RSPO1: variants seen among roughly 807,000 people sequenced by gnomAD.
RSPO1 encodes R-spondin 1, also known as R-spondin-1.
A neutral mutation model predicts 26.0 loss-of-function variants in RSPO1; 18 were observed. That is an observed-to-expected ratio of 0.69 (90% confidence interval 0.48 to 1.03). The LOEUF (loss-of-function observed/expected upper bound fraction) is 1.03. Ranked by LOEUF, RSPO1 falls within the 50% of genes least tolerant of loss-of-function variation. The pLI is 0.00. For synonymous variants in RSPO1, 133 were observed against 137.4 expected (o/e 0.97, Z 0.22); for missense variants, 309 against 352.3 (o/e 0.88, Z 0.98).
intron 3 of RSPO1, 114 bp from the exon 4 acceptor site, chr1:37,616,789 G>T: frequency 1.9e-6 from 2 of 1,036,792 alleles, no homozygotes; most frequent in East Asian, 2.5e-5. Context: ...GAAGGAATAT[G>T]CTTCTCAGAA....
intron 6 of RSPO1, 74 bp from the exon 7 acceptor site, chr1:37,612,995 G>A: frequency 6.5e-7 from 1 of 1,542,844 alleles, no homozygotes; most frequent in South Asian, 1.1e-5. Flanking sequence ...ACAGGCCCTA[G>A]GAGGGGAGTG....
intron 4 of RSPO1, among the ~76,000 whole-genome samples, chr1:37,615,555 A>C (rs1272459850): frequency 6.6e-6 from 1 of 152,204 alleles, no homozygotes; most frequent in Admixed American, 6.5e-5. Flanking sequence ...GTCAGCCCTG[A>C]AAAGGGCACC....
intron 3 of RSPO1, among the ~76,000 whole-genome samples, chr1:37,619,851 G>A (rs529631681): frequency 3.3e-5 from 5 of 151,566 alleles, no homozygotes; most frequent in South Asian, 4.2e-4. Flanking sequence ...ATGTACAAGC[G>A]ATTCTCCTGC....
chr1:37,626,708 G>T (rs1644282645), intron 3 of RSPO1, among the ~76,000 whole-genome samples: 1 of 152,134 alleles, frequency 6.6e-6, no homozygotes, highest in South Asian at 2.1e-4. Context: ...GAGGCACAAA[G>T]GGGGCTCCTG....
chr1:37,617,636 C>CGGATGACA (rs950907533), intron 3 of RSPO1, among the ~76,000 whole-genome samples: 7 of 116,692 alleles, frequency 6.0e-5, no homozygotes, highest in Non-Finnish European at 1.1e-4. Flanking sequence ...CACTCCAGCC[C>CGGATGACA]GGATGACAGA....
chr1:37,630,397 G>T (rs554904902), intron 2 of RSPO1, among the ~76,000 whole-genome samples: 2 of 152,324 alleles, frequency 1.3e-5, no homozygotes, highest in South Asian at 4.1e-4. Flanking sequence ...TCACCCATGT[G>T]CCTTTCACCT....
intron 3 of RSPO1, among the ~76,000 whole-genome samples, chr1:37,619,575 C>T (rs1204017778): frequency 6.6e-6 from 1 of 152,154 alleles, no homozygotes; most frequent in South Asian, 2.1e-4. Context: ...ATAACAAACA[C>T]CAAACCATCA....
At chr1:37,631,478 T>C (rs1644360942) in intron 2 of RSPO1, among the ~76,000 whole-genome samples, 1 of 152,330 alleles carries the variant, frequency 6.6e-6, no homozygotes, top group Non-Finnish European at 1.5e-5. Flanking sequence ...AGATGTCCAG[T>C]TGAGTTTATC....
rs1644051430 is a variant in RSPO1, at chr1:37,613,115, G to C, written c.626-194C>G. ...GCCACTTCAGAGGACCCCGAGGCTT[G>C]AGTACTGGGAGGCAGCCCAAGAGCC... On this transcript the variant is annotated intron_variant, in intron 6 of 6. Transcript: ENST00000356545. This position sits in a 1 kb window ranked among gnomAD's most constrained non-coding sequence, Gnocchi z 4.5. 6.6e-6 allele frequency among the ~76,000 whole-genome samples: 1 copy of C among 152,198 alleles called. No individual in the cohort carries two copies. The highest frequency in any genetic ancestry group is 1.5e-5 in the Non-Finnish European group (1 of 68,014).
At position 37,611,826 on chromosome 1, in the gene RSPO1, T is replaced by G. The variant is rs186778763; in HGVS notation, c.*929A>C. On this transcript the variant is annotated 3_prime_UTR_variant, in exon 7 of 7. Transcript: ENST00000356545. ...GGAATTACAGCAGCACTTCTCAAAT[T>G]TGGGTAACATGCCAATCATCAGGAA... 1.3e-5 allele frequency: 2 copies of G among 153,634 alleles called. No individual in the cohort carries two copies. Among genetic ancestry groups the G allele is most frequent in the African/African-American group, 2.4e-5 (1 of 41,578 alleles). 9.5% of individuals were successfully genotyped at this position (153,634 alleles called of 1,614,324 possible). A position where few individuals can be genotyped will look rare whatever the true frequency, so the allele number is the denominator to read the frequency against.
rs575465531 is a variant in RSPO1, at chr1:37,623,918, C to A, written c.94+5650G>T. On this transcript the variant is annotated intron_variant, in intron 3 of 6. Coordinates refer to ENST00000356545, the MANE Select transcript of RSPO1 (RefSeq NM_001242908.2). ...GGGATTACAGGCATGCACCACCACA[C>A]CCAGCTGATTTTTTTGTATCTTTAG... Among the ~76,000 whole-genome samples, 23 of 152,008 alleles carry A rather than the reference C, an allele frequency of 1.5e-4. 1 individual carries two copies. In the South Asian group the frequency reaches 2.3e-3, roughly 15 times the overall value.
chr1:37,626,065 C>G (rs1031888802), intron 3 of RSPO1, among the ~76,000 whole-genome samples: 15 of 152,126 alleles, frequency 9.9e-5, no homozygotes, highest in Admixed American at 9.8e-4. Flanking sequence ...CCTCAAGCCA[C>G]CTCCCCCACC....
chr1:37,622,833 A>T (rs143519294), intron 3 of RSPO1, among the ~76,000 whole-genome samples: 140 of 152,308 alleles, frequency 9.2e-4, no homozygotes, highest in African/African-American at 3.0e-3. Flanking sequence ...GATGAGAGCC[A>T]AACCACAGTG....
At chr1:37,620,659 T>TAATA (rs1304760330) in intron 3 of RSPO1, among the ~76,000 whole-genome samples, 2 of 149,106 alleles carry the variant, frequency 1.3e-5, no homozygotes, top group African/African-American at 2.5e-5. Flanking sequence ...ATAATAATAA[T>TAATA]ATATGATAAA....
intron 3 of RSPO1, among the ~76,000 whole-genome samples, chr1:37,625,968 A>G (rs556146558): frequency 1.3e-5 from 2 of 152,246 alleles, no homozygotes; most frequent in East Asian, 3.9e-4. Context: ...GTGAGCCACC[A>G]TGCCAAGCCA....
chr1:37,631,199 G>A (rs1472236811), intron 2 of RSPO1, among the ~76,000 whole-genome samples: 1 of 152,182 alleles, frequency 6.6e-6, no homozygotes, highest in Admixed American at 6.5e-5. Context: ...TCCCCTAAGG[G>A]AGTTCAGTAC....
intron 3 of RSPO1, among the ~76,000 whole-genome samples, chr1:37,627,694 C>CTA (rs371509317): frequency 6.8e-6 from 1 of 147,276 alleles, no homozygotes; most frequent in African/African-American, 2.5e-5. Context: ...CAAAACAAAA[C>CTA]TATATATATA....
intron 3 of RSPO1, among the ~76,000 whole-genome samples, chr1:37,625,692 T>G (rs1049584485): frequency 6.6e-6 from 1 of 151,794 alleles, no homozygotes; most frequent in Non-Finnish European, 1.5e-5. Context: ...TTTTTTTTTT[T>G]TTTGGAAACA....
rs139353088 is a variant in RSPO1 at position 37,612,499 on chromosome 1, G to GGTGTGTGTGT, written c.*246_*255dup. On this transcript the variant is annotated 3_prime_UTR_variant, in exon 7 of 7. Transcript: ENST00000356545. ...ATGGAAGTGTCTTCTGGTGGCCTCA[G>GGTGTGTGTGT]GTGTGTGTGTGTGTGTGTGTGTATG... is the stretch of plus-strand genomic sequence containing the variant. The GGTGTGTGTGT allele has an allele frequency of 4.1e-5, 21 of 509,688 alleles. No homozygotes were observed. Among genetic ancestry groups the GGTGTGTGTGT allele is most frequent in the Non-Finnish European group, 6.8e-5 (19 of 281,452 alleles). 31.6% of individuals were successfully genotyped at this position (509,688 alleles called of 1,614,324 possible).
Sources: gnomAD v4.1 joint callset for allele counts (sites outside exome capture counted in the v4.1 genomes callset) on GRCh38, gnomAD v4.1.1 for gene constraint, Gnocchi (gnomAD v3.1) non-coding constraint, MANE v1.5 for transcripts, NCBI Gene and HGNC (gene_info 2026-07-23, HGNC 2026-07-21) for gene names.